Variants in RBFOX3 observed in about 807,000 individuals in gnomAD.
The protein encoded by RBFOX3 is RNA binding protein fox-1 homolog 3.
Under a neutral mutation model 48.7 loss-of-function variants are expected in RBFOX3, and 17 were observed. That is an observed-to-expected ratio of 0.35 (90% CI 0.24 to 0.52). The LOEUF (loss-of-function observed/expected upper bound fraction) is 0.52, where lower values mean the gene tolerates loss of function less well. Ranked by LOEUF, RBFOX3 falls within the 20% of genes least tolerant of loss-of-function variation. The pLI is 0.94. For missense variants in RBFOX3, 382 were observed against 497.5 expected, an observed-to-expected ratio of 0.77 and a Z score of 2.21; for synonymous variants, 212 against 209.5, an observed-to-expected ratio of 1.01 and a Z score of -0.10.
intron 3 of RBFOX3, among the ~76,000 whole-genome samples, chr17:79,295,193 C>T (rs948618394): frequency 2.0e-5 from 3 of 152,156 alleles, no homozygotes; most frequent in Non-Finnish European, 2.9e-5. Flanking sequence ...CCATAAGCCA[C>T]GCAGCACGCA....
the RBFOX3 span, among the ~76,000 whole-genome samples, chr17:79,652,574 A>G: frequency 3.3e-4 from 19 of 57,154 alleles, no homozygotes; most frequent in African/African-American, 8.9e-4. Flanking sequence ...AAGGAAAGGA[A>G]AGGAGAGGAG....
chr17:79,397,911 G>A lies in RBFOX3; in HGVS notation c.-175+84543C>T, dbSNP rs547296503. Among the ~76,000 whole-genome samples the A allele has an allele frequency of 3.7e-4, 56 of 152,246 alleles. No homozygotes were observed. The South Asian group carries it at 8.3e-3, about 23-fold the overall frequency. Reference sequence around the variant, plus strand: ...CTGGGGCTGGGAAGATGGATTTTCCGTCCTGGATCACCGTGAGACGCCGTC... The same window carrying A: ...CTGGGGCTGGGAAGATGGATTTTCCATCCTGGATCACCGTGAGACGCCGTC... On this transcript the variant is annotated intron_variant, in intron 2 of 14. Transcript: ENST00000693108.
Position 79,299,201 on chromosome 17 carries a change from C to G in RBFOX3, c.-74+8523G>C, listed in dbSNP as rs2074920284. 6.6e-6 allele frequency among the ~76,000 whole-genome samples: 1 copy of G among 151,658 alleles called. No homozygotes were observed. The highest frequency in any genetic ancestry group is 2.4e-5 in the African/African-American group (1 of 41,260). ...TGGGATGTGAGGGCGGGTCCCATTC[C>G]TGAAAGTAAACCTGGCAAACCCTGG... On this transcript the variant is annotated intron_variant, in intron 3 of 14. Transcript: ENST00000693108. This position sits in a 1 kb window ranked among gnomAD's most constrained non-coding sequence, Gnocchi z 4.5.
intron 4 of RBFOX3, among the ~76,000 whole-genome samples, chr17:79,225,593 G>A (rs936494766): frequency 4.7e-5 from 7 of 147,398 alleles, no homozygotes; most frequent in Non-Finnish European, 8.9e-5. Context: ...CCCAGCCCCC[G>A]GATCAATTCT....
the RBFOX3 span, among the ~76,000 whole-genome samples, chr17:79,665,454 G>A: frequency 6.6e-6 from 1 of 152,166 alleles, no homozygotes; most frequent in Non-Finnish European, 1.5e-5. Flanking sequence ...GGAAACCGAC[G>A]CCGGGGTCTG....
At chr17:79,432,268 T>A (rs1683032559) in intron 2 of RBFOX3, among the ~76,000 whole-genome samples, 1 of 152,238 alleles carries the variant, frequency 6.6e-6, no homozygotes, top group Non-Finnish European at 1.5e-5. Flanking sequence ...AGTGTGCACA[T>A]GTCTCGTCCA....
chr17:79,393,473 G>A (rs1360474833), intron 2 of RBFOX3, among the ~76,000 whole-genome samples: 1 of 152,254 alleles, frequency 6.6e-6, no homozygotes, highest in Admixed American at 6.5e-5. Context: ...TCGCGGCGCT[G>A]GCTGGCACTG....
intron 2 of RBFOX3, among the ~76,000 whole-genome samples, chr17:79,371,072 C>G (rs879911941): frequency 6.6e-6 from 1 of 152,214 alleles, no homozygotes; most frequent in Non-Finnish European, 1.5e-5. Flanking sequence ...GGGTGGCTTC[C>G]CAGGCCAGCA....
At chr17:79,372,146 G>A (rs764731695) in intron 2 of RBFOX3, among the ~76,000 whole-genome samples, 10 of 152,026 alleles carry the variant, frequency 6.6e-5, no homozygotes, top group South Asian at 2.1e-4. Context: ...TGCGCTGCCC[G>A]GTGCTGTGAG....
intron 3 of RBFOX3, among the ~76,000 whole-genome samples, chr17:79,267,659 G>A (rs1042584805): frequency 1.3e-5 from 2 of 152,088 alleles, no homozygotes; most frequent in East Asian, 3.9e-4. Flanking sequence ...CCAAAGTGCT[G>A]GGATTACAGG....
chr17:79,595,048 G>A (rs1209772234), intron 1 of RBFOX3, among the ~76,000 whole-genome samples: 7 of 152,088 alleles, frequency 4.6e-5, no homozygotes, highest in Non-Finnish European at 7.4e-5. Context: ...CTGAGGACAC[G>A]CCCTCAGAAG....
rs1173396327 is a variant in RBFOX3 at position 79,249,700 on chromosome 17, C to A, written c.-73-13895G>T. Among the ~76,000 whole-genome samples, 1 of 100,820 alleles carries A rather than the reference C, an allele frequency of 9.9e-6. No homozygotes were observed. The highest frequency in any genetic ancestry group is 2.7e-5 in the Non-Finnish European group (1 of 37,494). The allele number at this position is 100,820 out of a possible 152,430, so 66.1% of individuals were successfully genotyped here. On this transcript the variant is annotated intron_variant, in intron 3 of 14. Coordinates refer to ENST00000693108, the MANE Select transcript of RBFOX3 (RefSeq NM_001350451.2). The surrounding 1 kb of genome is among the most constrained non-coding windows in gnomAD (Gnocchi z 4.1). ...ACTTCCCCTGCCTCGCCCGTTCCTT[C>A]CTAGGGAAACCACAGTCAAGACCCC...
intron 2 of RBFOX3, among the ~76,000 whole-genome samples, chr17:79,461,056 C>G (rs962681168): frequency 6.6e-6 from 1 of 152,190 alleles, no homozygotes; most frequent in Non-Finnish European, 1.5e-5. Context: ...CACTGGGCCC[C>G]CAAAGTGTTT....
rs1437534849 is a variant in RBFOX3 at position 79,418,799 on chromosome 17, G to A, written c.-175+63655C>T. On this transcript the variant is annotated intron_variant, in intron 2 of 14. Transcript: ENST00000693108. The surrounding 1 kb of genome is among the most constrained non-coding windows in gnomAD (Gnocchi z 5.0). ...AAAAAGTGAGGGAGGACATGGCACG[G>A]AAGACCCAGCCCCTTCCCATGCAGC... Among the ~76,000 whole-genome samples the A allele has an allele frequency of 6.6e-6, 1 of 152,128 alleles. No homozygotes were observed. The highest frequency in any genetic ancestry group is 6.5e-5 in the Admixed American group (1 of 15,272).
intron 2 of RBFOX3, among the ~76,000 whole-genome samples, chr17:79,411,464 T>C (rs1378650708): frequency 6.6e-6 from 1 of 152,172 alleles, no homozygotes; most frequent in Non-Finnish European, 1.5e-5. Context: ...AGCCTTGGCC[T>C]CAGCTCCACG....
At chr17:79,573,542 A>C (rs2092755121) in intron 1 of RBFOX3, among the ~76,000 whole-genome samples, 1 of 152,068 alleles carries the variant, frequency 6.6e-6, no homozygotes, top group Non-Finnish European at 1.5e-5. Flanking sequence ...CAAGGCTTTC[A>C]CCCTGACTTC....
intron 2 of RBFOX3, among the ~76,000 whole-genome samples, chr17:79,323,898 G>A (rs1363163148): frequency 6.6e-6 from 1 of 152,272 alleles, no homozygotes; most frequent in African/African-American, 2.4e-5. Flanking sequence ...AGAGAGGCAT[G>A]ATGAGAACTC....
chr17:79,149,489 TC>T (rs771558024), intron 4 of RBFOX3, among the ~76,000 whole-genome samples: 7 of 152,066 alleles, frequency 4.6e-5, no homozygotes, highest in Non-Finnish European at 8.8e-5. Context: ...GGACCTGGCC[TC>T]AGTGAGAAGG....
chr17:79,257,706 G>A (rs564757207), intron 3 of RBFOX3, among the ~76,000 whole-genome samples: 14 of 152,072 alleles, frequency 9.2e-5, no homozygotes, highest in African/African-American at 2.4e-4. Context: ...TCAGCCTCCC[G>A]AGTAGCTGGG....
Sources: allele counts gnomAD v4.1 joint callset (sites outside exome capture counted in the v4.1 genomes callset), GRCh38; gene constraint gnomAD v4.1.1; non-coding constraint Gnocchi (gnomAD v3.1); transcripts MANE v1.5; gene names NCBI Gene and HGNC (gene_info 2026-07-23, HGNC 2026-07-21).